PRKN: variants seen among roughly 807,000 people sequenced by gnomAD.
PRKN encodes parkin RBR E3 ubiquitin protein ligase.
PRKN carries 56 observed loss-of-function variants against 59.5 expected under a neutral mutation model. The observed-to-expected ratio is 0.94, with a 90% CI of 0.76 to 1.18. The LOEUF is 1.18. Among genes scored for constraint, PRKN ranks in the 50% most tolerant of loss-of-function variants. The probability of loss-of-function intolerance (pLI) is 0.00; values close to 1 mark genes in which losing one functional copy is unlikely to be tolerated. For missense variants in PRKN, 657 were observed against 596.4 expected (o/e 1.10, Z -1.06); for synonymous variants, 250 against 222.1 (o/e 1.13, Z -1.12).
intron 2 of PRKN, among the ~76,000 whole-genome samples, chr6:162,436,189 A>G (rs1466577106): frequency 1.3e-5 from 2 of 150,426 alleles, no homozygotes; most frequent in East Asian, 3.9e-4. Context: ...AAAAAAAAAA[A>G]AAAAAAAAAA....
At chr6:162,424,691 C>T (rs1047975287) in intron 2 of PRKN, among the ~76,000 whole-genome samples, 3 of 150,430 alleles carry the variant, frequency 2.0e-5, no homozygotes, top group East Asian at 2.0e-4. Context: ...GCCGAGATCA[C>T]GCCACTGTAT....
intron 1 of PRKN, among the ~76,000 whole-genome samples, chr6:162,528,002 TTTAC>T (rs1449734515): frequency 1.4e-5 from 2 of 141,138 alleles, no homozygotes; most frequent in Non-Finnish European, 3.0e-5. Flanking sequence ...GAATTTAATA[TTTAC>T]TCAGGGCCAG....
In PRKN at chr6:161,576,302, G is replaced by C. The variant is rs1347714477; in HGVS notation, c.872-6886C>G. On this transcript the variant is annotated intron_variant, in intron 7 of 11. Transcript: ENST00000366898. This position sits in a 1 kb window ranked among gnomAD's most constrained non-coding sequence, Gnocchi z 4.6. ...ATTATTCATGCATTCTTTCTCCGTA[G>C]CCAATACTTGCTGTCTCAAGATATC... Among the ~76,000 whole-genome samples the C allele has an allele frequency of 6.6e-6, 1 of 152,156 alleles. No homozygotes were observed. The highest frequency in any genetic ancestry group is 1.5e-5 in the Non-Finnish European group (1 of 68,028).
rs1038396313 is a variant in PRKN, at chr6:161,576,663, A to G, written c.872-7247T>C. Among the ~76,000 whole-genome samples the G allele has an allele frequency of 6.6e-6, 1 of 152,212 alleles. No individual in the cohort carries two copies. Among genetic ancestry groups the G allele is most frequent in the Non-Finnish European group, 1.5e-5 (1 of 68,038 alleles). On this transcript the variant is annotated intron_variant, in intron 7 of 11. Transcript: ENST00000366898. This position sits in a 1 kb window ranked among gnomAD's most constrained non-coding sequence, Gnocchi z 4.6. ...AAAGGGGCGAGAGACAATAAAAATA[A>G]ACTAATAAGTAGGTAAATGAAGTAA...
At chr6:161,476,144 G>T (rs932737862) in intron 9 of PRKN, among the ~76,000 whole-genome samples, 1 of 151,086 alleles carries the variant, frequency 6.6e-6, no homozygotes, top group Admixed American at 6.6e-5. Context: ...CCGAGATCGC[G>T]CCACTGTACT....
chr6:161,967,736 A>G (rs2128250247), intron 6 of PRKN, among the ~76,000 whole-genome samples: 1 of 152,262 alleles, frequency 6.6e-6, no homozygotes. Context: ...AGTCACAGCT[A>G]CCTTTGTGGC....
chr6:161,845,009 T>C (rs754098467), intron 6 of PRKN, among the ~76,000 whole-genome samples: 3 of 152,238 alleles, frequency 2.0e-5, no homozygotes, highest in Non-Finnish European at 4.4e-5. Flanking sequence ...TGGGTAGCTT[T>C]ATGTAAATGA....
chr6:162,691,128 G>A (rs1472790486), intron 1 of PRKN, among the ~76,000 whole-genome samples: 4 of 151,808 alleles, frequency 2.6e-5, no homozygotes, highest in Non-Finnish European at 4.4e-5. Flanking sequence ...ATAAGCATCC[G>A]ATGATGATAA....
intron 7 of PRKN, among the ~76,000 whole-genome samples, chr6:161,743,506 C>T (rs11751414): frequency 0.29 from 44,227 of 151,558 alleles, 6,654 homozygotes; most frequent in Admixed American, 0.36. Flanking sequence ...GCCTCGGCCT[C>T]CCAAAGTGCT....
At chr6:161,883,854 T>C (rs1200911122) in intron 6 of PRKN, among the ~76,000 whole-genome samples, 2 of 152,048 alleles carry the variant, frequency 1.3e-5, no homozygotes, top group Non-Finnish European at 2.9e-5. Flanking sequence ...GGTTTCACTA[T>C]GTCGGCCAGG....
rs1326707443 is a variant in PRKN at position 161,390,064 on chromosome 6, C to T, written c.1084-3187G>A. On this transcript the variant is annotated intron_variant, in intron 9 of 11. Transcript: ENST00000366898. This position sits in a 1 kb window ranked among gnomAD's most constrained non-coding sequence, Gnocchi z 7.0. ...CAGGGAGGCACTGGCTAATTTGCTTCTATTCAAAGTATAATTTAAATTTAG... is the reference window on the plus strand; with the variant it reads ...CAGGGAGGCACTGGCTAATTTGCTTTTATTCAAAGTATAATTTAAATTTAG... Among the ~76,000 whole-genome samples, 1 of 152,232 alleles carries T rather than the reference C, an allele frequency of 6.6e-6. No homozygotes were observed. Among genetic ancestry groups the T allele is most frequent in the Non-Finnish European group, 1.5e-5 (1 of 68,040 alleles).
chr6:161,951,932 G>T (rs1229131436), intron 6 of PRKN, among the ~76,000 whole-genome samples: 3 of 143,338 alleles, frequency 2.1e-5, no homozygotes, highest in African/African-American at 7.7e-5. Context: ...AAAAAAAAAA[G>T]AAAGGAAGAA....
chr6:162,611,993 G>T (rs1436156878), intron 1 of PRKN, among the ~76,000 whole-genome samples: 4 of 151,286 alleles, frequency 2.6e-5, no homozygotes, highest in Non-Finnish European at 5.9e-5. Context: ...AGACCATCCT[G>T]GCTAACACGG....
chr6:162,427,274 A>T (rs527605705), intron 2 of PRKN, among the ~76,000 whole-genome samples: 1 of 152,322 alleles, frequency 6.6e-6, no homozygotes, highest in African/African-American at 2.4e-5. Flanking sequence ...AGTATCTATT[A>T]ATAGTAAAGC....
At chr6:162,384,105 T>C (rs538480580) in intron 2 of PRKN, among the ~76,000 whole-genome samples, 1 of 152,328 alleles carries the variant, frequency 6.6e-6, no homozygotes, top group Non-Finnish European at 1.5e-5. Flanking sequence ...CTGTCTCACA[T>C]TCATATTATT....
chr6:162,508,869 A>C (rs1036622687), intron 1 of PRKN, among the ~76,000 whole-genome samples: 6 of 136,746 alleles, frequency 4.4e-5, no homozygotes. Flanking sequence ...AAAAAACAAA[A>C]AACAAACAAA....
chr6:162,468,115 C>A (rs186234754), intron 1 of PRKN, among the ~76,000 whole-genome samples: 14 of 152,298 alleles, frequency 9.2e-5, no homozygotes, highest in African/African-American at 3.4e-4. Context: ...CCCGACAGGA[C>A]AGGGACTTTG....
chr6:161,639,375 G>A lies in PRKN; in HGVS notation c.872-69959C>T, dbSNP rs766762869. On this transcript the variant is annotated intron_variant, in intron 7 of 11. Coordinates refer to ENST00000366898, the MANE Select transcript of PRKN (RefSeq NM_004562.3). ...CTTGAAAAGCAATTGTTAGCGCAAC[G>A]TCGGCACACTCTCTTTTCTGGCTTC... 3.8e-4 allele frequency among the ~76,000 whole-genome samples: 58 copies of A among 152,114 alleles called. 1 individual carries two copies. The highest frequency in any genetic ancestry group is 4.6e-4 in the Admixed American group (7 of 15,276).
At chr6:161,941,289 C>G (rs1301275498) in intron 6 of PRKN, among the ~76,000 whole-genome samples, 3 of 152,160 alleles carry the variant, frequency 2.0e-5, no homozygotes, top group African/African-American at 7.2e-5. Flanking sequence ...AGCACATCAG[C>G]AGAGGAACAC....
Sources: allele counts gnomAD v4.1 joint callset (sites outside exome capture counted in the v4.1 genomes callset), GRCh38; gene constraint gnomAD v4.1.1; non-coding constraint Gnocchi (gnomAD v3.1); transcripts MANE v1.5; gene names NCBI Gene and HGNC (gene_info 2026-07-23, HGNC 2026-07-21).